KIAA1671: variants seen among roughly 807,000 people sequenced by gnomAD.
KIAA1671 encodes the protein KIAA1671, also known as uncharacterized protein KIAA1671.
KIAA1671 carries 52 observed loss-of-function variants against 131.2 expected under a neutral mutation model. The ratio of observed to expected loss-of-function variants is 0.40; its 90% CI spans 0.32 to 0.50. The LOEUF is 0.50. KIAA1671 is among the 20% of genes least tolerant of loss of function. The probability of loss-of-function intolerance (pLI) is 0.73; values close to 1 mark genes in which losing one functional copy is unlikely to be tolerated. For synonymous variants in KIAA1671, 1,003 were observed against 961.6 expected (o/e 1.04, Z -0.80); for missense variants, 2,360 against 2,364.2 (o/e 1.00, Z 0.04).
intron 6 of KIAA1671, chr22:25,112,134 C>T (rs1264467953): frequency 2.5e-6 from 1 of 398,450 alleles, no homozygotes; most frequent in Non-Finnish European, 4.4e-6. Context: ...TAATTGCTCT[C>T]TCCCTCCCTA....
chr22:25,028,106 C>A lies in KIAA1671; in HGVS notation c.107C>A (p.Ala36Asp). 1 of 1,551,262 alleles carries A rather than the reference C, an allele frequency of 6.4e-7. No homozygotes were observed. Among genetic ancestry groups the A allele is most frequent in the Non-Finnish European group, 8.7e-7 (1 of 1,146,788 alleles). Reference sequence around the variant, plus strand: ...CTGACGAGGACCTACTTCCTCCAGGCCGGCGAAGCCTCTGGGGCTCCCCCA... The same window carrying A: ...CTGACGAGGACCTACTTCCTCCAGGACGGCGAAGCCTCTGGGGCTCCCCCA... ...ETLTRTYFLQAGEASGAPPAR... is the reference protein window; with the variant it reads ...ETLTRTYFLQDGEASGAPPAR... The change falls in exon 3 of 13, where the codon GCC becomes GAC. Residue 36 changes from alanine (A) to aspartate (D), a missense_variant. Ala to Asp is a moderately radical substitution (Grantham distance 126). Around this residue, in one of 3 missense-constraint regions of KIAA1671, gnomAD observed 1,185 missense variants for 1,126.2 expected, o/e 1.05. Coordinates refer to ENST00000358431, the MANE Select transcript of KIAA1671 (RefSeq NM_001145206.2).
intron 1 of KIAA1671, among the ~76,000 whole-genome samples, chr22:25,000,898 C>G (rs537151874): frequency 6.6e-6 from 1 of 151,374 alleles, no homozygotes; most frequent in Non-Finnish European, 1.5e-5. Context: ...TCTCCTGCCT[C>G]GGCATACCAA....
chr22:25,068,448 T>G (rs1490074112), intron 6 of KIAA1671, among the ~76,000 whole-genome samples: 3 of 152,044 alleles, frequency 2.0e-5, no homozygotes, highest in Non-Finnish European at 4.4e-5. Context: ...TTGTTGTTTT[T>G]TTTTTTGAGA....
At position 25,041,322 on chromosome 22, in the gene KIAA1671, TG is replaced by T; in HGVS notation, c.4193del (p.Cys1398LeufsTer116). Reference protein sequence around the residue: ...VAQWGDHPRDCGRVPLDIKRA... With the variant: ...VAQWGDHPRDXGRVPLDIKRA... ...CCAGTGGGGTGACCACCCACGTGACTGTGGACGGGTGCCGCTGGATATCAAG... is the reference window on the plus strand; with the variant it reads ...CCAGTGGGGTGACCACCCACGTGACTTGGACGGGTGCCGCTGGATATCAAG... On this transcript the variant is annotated frameshift_variant, in exon 5 of 13. Transcript: ENST00000358431. LOFTEE classifies it high-confidence loss of function. The T allele has an allele frequency of 1.3e-6, 2 of 1,551,630 alleles. No individual in the cohort carries two copies. Among genetic ancestry groups the T allele is most frequent in the Non-Finnish European group, 1.7e-6 (2 of 1,146,964 alleles).
chr22:25,137,579 G>A (rs1000648016), intron 6 of KIAA1671, among the ~76,000 whole-genome samples: 1 of 152,224 alleles, frequency 6.6e-6, no homozygotes, highest in Non-Finnish European at 1.5e-5. Flanking sequence ...AGGCACTTTT[G>A]TATACCTGCC....
rs189981440 is a variant in KIAA1671, at chr22:24,959,390, G to A, written c.-208+6618G>A. Among the ~76,000 whole-genome samples, 168 of 152,098 alleles carry A rather than the reference G, an allele frequency of 1.1e-3. 1 individual carries two copies. Among genetic ancestry groups the A allele is most frequent in the African/African-American group, 4.0e-3 (164 of 41,482 alleles). On this transcript the variant is annotated intron_variant, in intron 1 of 12. Coordinates refer to ENST00000358431, the MANE Select transcript of KIAA1671 (RefSeq NM_001145206.2). Reference sequence around the variant, plus strand: ...TAAAAAAAATTAGCTAGGCGTGATGGCAGTTGCCTGTAATCCCAGCTATTC... The same window carrying A: ...TAAAAAAAATTAGCTAGGCGTGATGACAGTTGCCTGTAATCCCAGCTATTC...
At chr22:25,070,799 T>G (rs1238245766) in intron 6 of KIAA1671, among the ~76,000 whole-genome samples, 2 of 152,210 alleles carry the variant, frequency 1.3e-5, no homozygotes, top group African/African-American at 2.4e-5. Context: ...TCTGTGTGTG[T>G]AAGAATGTCT....
At chr22:25,081,619 CT>C (rs11336156) in intron 6 of KIAA1671, among the ~76,000 whole-genome samples, 103,609 of 148,834 alleles carry the variant, frequency 0.7, 36,963 homozygotes, top group African/African-American at 0.88. Context: ...TGGGCAGCTG[CT>C]TTTTTTTTTT....
rs545126706 is a variant in KIAA1671, at chr22:25,180,969, G to A, written c.5075-730G>A. Among the ~76,000 whole-genome samples the A allele has an allele frequency of 1.7e-4, 26 of 152,290 alleles. No individual in the cohort carries two copies. In the South Asian group the frequency reaches 4.6e-3, roughly 27 times the overall value. On this transcript the variant is annotated intron_variant, in intron 9 of 12. Transcript: ENST00000358431. ...TGGCTCCCATCAGCCTGGAGGAGCC[G>A]GCCAGGGGCTGGATGGGGAAGGCTG...
At position 25,028,512 on chromosome 22, in the gene KIAA1671, G is replaced by C; in HGVS notation, c.513G>C (p.Val171=). The C allele has an allele frequency of 6.5e-7, 1 of 1,549,440 alleles. No homozygotes were observed. Among genetic ancestry groups the C allele is most frequent in the South Asian group, 1.2e-5 (1 of 83,778 alleles). The part of the protein sequence containing the change: ...SEGAEEAKLG[V]SGSRPEVAAK... ...GGGCGGAGGAGGCCAAGCTAGGTGT[G>C]TCCGGCTCCCGGCCTGAGGTGGCTG... Residue 171 remains valine (V), a synonymous_variant, in exon 3 of 13, where the codon GTG becomes GTC. Coordinates refer to ENST00000358431, the MANE Select transcript of KIAA1671 (RefSeq NM_001145206.2).
intron 9 of KIAA1671, among the ~76,000 whole-genome samples, chr22:25,180,880 T>C (rs1934245657): frequency 6.6e-6 from 1 of 152,208 alleles, no homozygotes; most frequent in African/African-American, 2.4e-5. Flanking sequence ...CTGGAGCAAA[T>C]GAAGACCATA....
rs1926801629 is a variant in KIAA1671, at chr22:25,039,584, G to A, written c.2454G>A (p.Pro818=). The A allele has an allele frequency of 1.4e-5, 21 of 1,551,642 alleles. No homozygotes were observed. The highest frequency in any genetic ancestry group is 9.5e-5 in the South Asian group (8 of 84,062). ...GACCGAAGTTTGGGGGCAATTGCCC[G>A]TTTCCCAAATGGACAGGCGGGGCAG... ...ASGPKFGGNC[P]FPKWTGGAVV... The change falls in exon 5 of 13, where the codon CCG becomes CCA. Residue 818 remains proline, a synonymous_variant. Coordinates refer to ENST00000358431, the MANE Select transcript of KIAA1671 (RefSeq NM_001145206.2).
chr22:25,174,371 A>G lies in KIAA1671; in HGVS notation c.4781A>G (p.Gln1594Arg), dbSNP rs1347394612. 9 of 1,551,952 alleles carry G rather than the reference A, an allele frequency of 5.8e-6. No individual in the cohort carries two copies. The highest frequency in any genetic ancestry group is 8.7e-7 in the Non-Finnish European group (1 of 1,147,104). ...AGDQYDCSRDQRSTSVDHSST... is the reference protein window; with the variant it reads ...AGDQYDCSRDRRSTSVDHSST... ...GACCAGTATGACTGCTCCAGGGACC[A>G]GCGGAGCACCAGCGTGGACCACTCC... The change falls in exon 8 of 13, where the codon CAG becomes CGG. Residue 1594 changes from glutamine (Q) to arginine (R), a missense_variant. Physicochemically the swap from Gln to Arg is conservative, Grantham distance 43 (BLOSUM62 1). This residue lies in a region of KIAA1671 where 1,161 missense variants were observed against 1,204.7 expected (regional missense o/e 0.96). Coordinates refer to ENST00000358431, the MANE Select transcript of KIAA1671 (RefSeq NM_001145206.2).
chr22:25,085,513 C>CA (rs1040613129), intron 6 of KIAA1671, among the ~76,000 whole-genome samples: 1 of 151,558 alleles, frequency 6.6e-6, no homozygotes, highest in Admixed American at 6.6e-5. Flanking sequence ...CCCACCTCCC[C>CA]CCCCATAACC....
At chr22:25,170,590 A>T (rs533171601) in intron 6 of KIAA1671, among the ~76,000 whole-genome samples, 3 of 152,202 alleles carry the variant, frequency 2.0e-5, no homozygotes, top group Admixed American at 1.3e-4. Context: ...ACTTCATCCC[A>T]GTTGGCCCAC....
At chr22:25,146,221 G>A (rs191102383) in intron 6 of KIAA1671, among the ~76,000 whole-genome samples, 4 of 152,226 alleles carry the variant, frequency 2.6e-5, no homozygotes, top group East Asian at 1.9e-4. Flanking sequence ...GAGGTTTATC[G>A]AGTTGCCCAA....
Position 25,039,531 on chromosome 22 carries a change from G to A in KIAA1671, c.2401G>A (p.Glu801Lys). 6.4e-7 allele frequency: 1 copy of A among 1,551,836 alleles called. No individual in the cohort carries two copies. The highest frequency in any genetic ancestry group is 8.7e-7 in the Non-Finnish European group (1 of 1,147,026). Reference sequence around the variant, plus strand: ...CGTCCAAAGGGCCAGTTTGATTTGGGAAGCTCGAGGCATGCCTGAGGCTAG... The same window carrying A: ...CGTCCAAAGGGCCAGTTTGATTTGGAAAGCTCGAGGCATGCCTGAGGCTAG... ...GSVQRASLIW[E>K]ARGMPEASGP... The change falls in exon 5 of 13, where the codon GAA becomes AAA. Residue 801 changes from glutamate (E) to lysine (K), a missense_variant. Coordinates refer to ENST00000358431, the MANE Select transcript of KIAA1671 (RefSeq NM_001145206.2).
chr22:25,188,447 G>GGTGTGT (rs59590267), intron 11 of KIAA1671, among the ~76,000 whole-genome samples: 5,503 of 137,894 alleles, frequency 0.04, 114 homozygotes, highest in Middle Eastern at 0.062. Flanking sequence ...GAGCCAATCG[G>GGTGTGT]GTGTGTGTGT....
Position 25,190,819 on chromosome 22 carries a change from G to A in KIAA1671, c.*4+35G>A, listed in dbSNP as rs753311500. The A allele has an allele frequency of 5.6e-6, 8 of 1,438,492 alleles. No homozygotes were observed. In the South Asian group the frequency reaches 9.8e-5, roughly 18 times the overall value. The allele number at this position is 1,438,492 out of a possible 1,614,324, so 89.1% of individuals were successfully genotyped here. A position where few individuals can be genotyped will look rare whatever the true frequency, so the allele number is the denominator to read the frequency against. ...GGCTCTGTTGGGGAACCTGGGAAGA[G>A]CCCTGCAGTCACAGGAATGGGGAAC... On this transcript the variant is annotated intron_variant, in intron 12 of 12. Transcript: ENST00000358431.
Sources: allele counts gnomAD v4.1 joint callset (sites outside exome capture counted in the v4.1 genomes callset), GRCh38; gene constraint gnomAD v4.1.1; regional missense constraint gnomAD v4.1.1; transcripts MANE v1.5; gene names NCBI Gene and HGNC (gene_info 2026-07-23, HGNC 2026-07-21).